The following MTA3 variants were observed in gnomAD, a reference collection of about 807,000 sequenced individuals.
MTA3 encodes the protein metastasis-associated protein MTA3.
A neutral mutation model predicts 83.5 loss-of-function variants in MTA3; 34 were observed. The ratio of observed to expected loss-of-function variants is 0.41; its 90% confidence interval spans 0.31 to 0.54. MTA3 has a LOEUF of 0.54. MTA3 is among the 20% of genes least tolerant of loss of function. The pLI, the probability that MTA3 is intolerant of heterozygous loss-of-function variation, is 0.33. For synonymous variants in MTA3, 303 were observed against 252.7 expected (o/e 1.20, Z -1.89); for missense variants, 761 against 726.4 (o/e 1.05, Z -0.55).
intron 2 of MTA3, among the ~76,000 whole-genome samples, chr2:42,547,942 T>G (rs988922500): frequency 6.6e-6 from 1 of 152,198 alleles, no homozygotes; most frequent in African/African-American, 2.4e-5. Context: ...TTGCAGTTCG[T>G]CCACGAGGAC....
chr2:42,580,885 G>A (rs1008124163), intron 3 of MTA3, among the ~76,000 whole-genome samples: 2 of 152,042 alleles, frequency 1.3e-5, no homozygotes, highest in African/African-American at 2.4e-5. Flanking sequence ...CACCCCACCC[G>A]GCCAGTTTGA....
At chr2:42,693,279 A>G (rs1351538357) in intron 9 of MTA3, among the ~76,000 whole-genome samples, 2 of 152,054 alleles carry the variant, frequency 1.3e-5, no homozygotes, top group Non-Finnish European at 2.9e-5. Flanking sequence ...GGGCTCCACA[A>G]TCAGCAGGTG....
chr2:42,728,907 C>T (rs1668014036), intron 16 of MTA3, among the ~76,000 whole-genome samples: 1 of 152,024 alleles, frequency 6.6e-6, no homozygotes, highest in African/African-American at 2.4e-5. Context: ...TGTGCATTGT[C>T]TCTTCACTTT....
chr2:42,624,602 A>G (rs1312068696), intron 4 of MTA3, among the ~76,000 whole-genome samples: 1 of 152,218 alleles, frequency 6.6e-6, no homozygotes, highest in African/African-American at 2.4e-5. Flanking sequence ...CTGGGATTAC[A>G]GGTGTGAGCC....
In MTA3 at chr2:42,753,880, A is replaced by T. The variant is rs776463881; in HGVS notation, c.*481A>T. ...TTTCTTAAGAAATGCGCCAGTGTTT[A>T]TGAGGTTCAAGGTATTTCCCTGTCC... On this transcript the variant is annotated 3_prime_UTR_variant, in exon 17 of 17. Coordinates refer to ENST00000405094, the MANE Select transcript of MTA3 (RefSeq NM_001330442.2). The T allele has an allele frequency of 1.0e-6, 1 of 988,712 alleles. No individual in the cohort carries two copies. The highest frequency in any genetic ancestry group is 1.2e-6 in the Non-Finnish European group (1 of 832,326). The allele number at this position is 988,712 out of a possible 1,614,324, so 61.2% of individuals were successfully genotyped here.
At chr2:42,677,303 G>C (rs868765165) in intron 8 of MTA3, among the ~76,000 whole-genome samples, 3 of 152,002 alleles carry the variant, frequency 2.0e-5, no homozygotes, top group East Asian at 1.9e-4. Context: ...TGCTGTTCTC[G>C]TGATAGTGAA....
At chr2:42,574,592 A>G (rs1390074438) in intron 2 of MTA3, among the ~76,000 whole-genome samples, 1 of 151,578 alleles carries the variant, frequency 6.6e-6, no homozygotes, top group East Asian at 1.9e-4. Flanking sequence ...ACCTGCCACC[A>G]CACCCAGCTA....
chr2:42,517,195 G>A (rs963079720), intron 2 of MTA3, among the ~76,000 whole-genome samples: 4 of 152,050 alleles, frequency 2.6e-5, no homozygotes, highest in Non-Finnish European at 4.4e-5. Flanking sequence ...GGGAGGCGGC[G>A]GTTGCAGTGA....
chr2:42,513,265 G>T (rs764750788), intron 2 of MTA3, among the ~76,000 whole-genome samples: 10 of 152,216 alleles, frequency 6.6e-5, no homozygotes, highest in African/African-American at 1.2e-4. Flanking sequence ...GTTGGAGGGA[G>T]TGTGAGGGGA....
intron 2 of MTA3, 44 bp from the exon 3 acceptor site, chr2:42,579,063 T>G: frequency 7.6e-7 from 1 of 1,312,480 alleles, no homozygotes; most frequent in Non-Finnish European, 1.1e-6. Flanking sequence ...ATTATTTGAC[T>G]CTAATATTCA....
chr2:42,640,889 A>G (rs1057088477), intron 5 of MTA3, among the ~76,000 whole-genome samples: 5 of 152,208 alleles, frequency 3.3e-5, no homozygotes, highest in East Asian at 1.9e-4. Flanking sequence ...TTCTCCCCCA[A>G]AAGCTTTATT....
At chr2:42,660,527 G>A (rs952756550) in intron 8 of MTA3, among the ~76,000 whole-genome samples, 5 of 152,162 alleles carry the variant, frequency 3.3e-5, no homozygotes, top group African/African-American at 1.2e-4. Context: ...GTCAGGCATA[G>A]GACCTGGCAC....
rs1488466686 is a variant in MTA3, at chr2:42,753,769, C to G, written c.*370C>G. On this transcript the variant is annotated 3_prime_UTR_variant, in exon 17 of 17. Coordinates refer to ENST00000405094, the MANE Select transcript of MTA3 (RefSeq NM_001330442.2). ...TGCTGCAAGCTCAGAGCCGCTGCCACCCTGCATGTGTCCGCTCAGCTCGGT... is the reference window on the plus strand; with the variant it reads ...TGCTGCAAGCTCAGAGCCGCTGCCAGCCTGCATGTGTCCGCTCAGCTCGGT... 8.8e-7 allele frequency: 1 copy of G among 1,131,660 alleles called. No homozygotes were observed. The highest frequency in any genetic ancestry group is 1.1e-6 in the Non-Finnish European group (1 of 916,718). The allele number at this position is 1,131,660 out of a possible 1,614,324, so 70.1% of individuals were successfully genotyped here. A position where few individuals can be genotyped will look rare whatever the true frequency, so the allele number is the denominator to read the frequency against.
intron 8 of MTA3, among the ~76,000 whole-genome samples, chr2:42,675,717 G>A (rs1181399107): frequency 2.0e-5 from 3 of 152,098 alleles, no homozygotes; most frequent in East Asian, 1.9e-4. Context: ...ACCGCAAGTC[G>A]TTGGTCCTGT....
At chr2:42,695,865 T>G in intron 10 of MTA3, 26 bp downstream of exon 10, 1 of 1,386,934 alleles carries the variant, frequency 7.2e-7, no homozygotes, top group Non-Finnish European at 9.9e-7. Context: ...TTGCTACCAA[T>G]ATGGTTGCAT....
rs1259712391 is a variant in MTA3, at chr2:42,756,414, C to T, written c.*3015C>T. ...CCCTGGGAGCCTGGGACAGGCGACCCACCGGGTCAGTCCCCTGCCACTCAG... is the reference window on the plus strand; with the variant it reads ...CCCTGGGAGCCTGGGACAGGCGACCTACCGGGTCAGTCCCCTGCCACTCAG... On this transcript the variant is annotated 3_prime_UTR_variant, in exon 17 of 17. Transcript: ENST00000405094. 2 of 971,120 alleles carry T rather than the reference C, an allele frequency of 2.1e-6. No homozygotes were observed. Among genetic ancestry groups the T allele is most frequent in the South Asian group, 4.8e-5 (1 of 21,016 alleles). The allele number at this position is 971,120 out of a possible 1,614,324, so 60.2% of individuals were successfully genotyped here.
intron 11 of MTA3, among the ~76,000 whole-genome samples, chr2:42,699,618 G>A (rs1693686913): frequency 6.6e-6 from 1 of 152,164 alleles, no homozygotes. Context: ...GATATTTGGA[G>A]GTGACTGACT....
intron 14 of MTA3, among the ~76,000 whole-genome samples, chr2:42,717,371 A>T (rs1667103799): frequency 1.3e-5 from 2 of 152,122 alleles, no homozygotes; most frequent in African/African-American, 4.8e-5. Flanking sequence ...TGAAGGTGGG[A>T]AAAAGGCATA....
At chr2:42,524,047 A>C (rs975759888) in intron 2 of MTA3, among the ~76,000 whole-genome samples, 1 of 152,190 alleles carries the variant, frequency 6.6e-6, no homozygotes, top group African/African-American at 2.4e-5. Context: ...TTGCCTCTCC[A>C]GAAACAGAGA....
Sources: allele counts gnomAD v4.1 joint callset (sites outside exome capture counted in the v4.1 genomes callset), GRCh38; gene constraint gnomAD v4.1.1; transcripts MANE v1.5; gene names NCBI Gene and HGNC (gene_info 2026-07-23, HGNC 2026-07-21).